Variants in DNAJC3 observed in about 807,000 individuals in gnomAD.
DNAJC3 encodes the protein dnaJ homolog subfamily C member 3.
A neutral mutation model predicts 68.6 loss-of-function variants in DNAJC3; 38 were observed. The ratio of observed to expected loss-of-function variants is 0.55; its 90% CI spans 0.43 to 0.73. The LOEUF (loss-of-function observed/expected upper bound fraction) is 0.73. Ranked by LOEUF, DNAJC3 falls within the 30% of genes least tolerant of loss-of-function variation. DNAJC3 has a pLI of 0.00. For missense variants in DNAJC3, 526 were observed against 591.9 expected, an observed-to-expected ratio of 0.89 and a Z score of 1.16; for synonymous variants, 203 against 204.0, an observed-to-expected ratio of 1.00 and a Z score of 0.04.
chr13:95,702,514 G>T (rs888021388), intron 1 of DNAJC3, among the ~76,000 whole-genome samples: 3 of 152,164 alleles, frequency 2.0e-5, no homozygotes, highest in African/African-American at 7.2e-5. Flanking sequence ...GTATTAAGAG[G>T]CAGGGCCTTA....
chr13:95,794,580 C>T lies in DNAJC3; in HGVS notation c.*3550C>T, dbSNP rs553792783. On this transcript the variant is annotated 3_prime_UTR_variant, in exon 12 of 12. Coordinates refer to ENST00000602402, the MANE Select transcript of DNAJC3 (RefSeq NM_006260.5). ...TTAGTGGCAGTTTATCCTGTAATTTCAAATGACGTTAAGAGGTGGGATTAT... is the reference window on the plus strand; with the variant it reads ...TTAGTGGCAGTTTATCCTGTAATTTTAAATGACGTTAAGAGGTGGGATTAT... 3 of 152,334 alleles carry T rather than the reference C, an allele frequency of 2.0e-5. No homozygotes were observed. The highest frequency in any genetic ancestry group is 4.4e-5 in the Non-Finnish European group (3 of 68,022). 9.4% of individuals were successfully genotyped at this position (152,334 alleles called of 1,614,324 possible).
chr13:95,687,898 C>T (rs1217267840), intron 1 of DNAJC3, among the ~76,000 whole-genome samples: 4 of 152,130 alleles, frequency 2.6e-5, no homozygotes, highest in Non-Finnish European at 5.9e-5. Flanking sequence ...TTGATTCTTC[C>T]AACCTGTGAG....
At chr13:95,703,634 A>G (rs1880639336) in intron 1 of DNAJC3, among the ~76,000 whole-genome samples, 4 of 152,240 alleles carry the variant, frequency 2.6e-5, no homozygotes, top group Admixed American at 2.6e-4. Flanking sequence ...CAAATTCACA[A>G]ATACAGAATC....
chr13:95,730,321 C>T (rs951201333), intron 4 of DNAJC3, among the ~76,000 whole-genome samples: 3 of 152,072 alleles, frequency 2.0e-5, no homozygotes, highest in Admixed American at 1.3e-4. Flanking sequence ...AATATAATAC[C>T]ATTTGTTTAT....
At chr13:95,790,802 C>CCAA in intron 11 of DNAJC3, 71 bp from the exon 12 acceptor site, 1 of 1,524,350 alleles carries the variant, frequency 6.6e-7, no homozygotes, top group East Asian at 2.4e-5. Flanking sequence ...CTCCTCTGCC[C>CCAA]AAAGAAAACA....
chr13:95,717,613 T>G (rs929472871), intron 2 of DNAJC3, among the ~76,000 whole-genome samples: 2 of 152,188 alleles, frequency 1.3e-5, no homozygotes, highest in African/African-American at 4.8e-5. Flanking sequence ...TCCCACATGT[T>G]GTTGGAGGGA....
At chr13:95,781,461 G>A (rs1184518397) in intron 9 of DNAJC3, among the ~76,000 whole-genome samples, 1 of 152,076 alleles carries the variant, frequency 6.6e-6, no homozygotes, top group African/African-American at 2.4e-5. Context: ...TTACTAATGT[G>A]CTCCTGCTTC....
At chr13:95,678,477 G>T (rs3843691) in intron 1 of DNAJC3, among the ~76,000 whole-genome samples, 5 of 151,954 alleles carry the variant, frequency 3.3e-5, no homozygotes, top group Non-Finnish European at 5.9e-5. Context: ...ATCAGAACAC[G>T]TAGTGTGGCA....
intron 1 of DNAJC3, among the ~76,000 whole-genome samples, chr13:95,690,974 C>T (rs1391747745): frequency 2.2e-5 from 3 of 138,614 alleles, no homozygotes; most frequent in Non-Finnish European, 3.1e-5. Context: ...GGGGCTGACA[C>T]CCCCACCTCC....
intron 1 of DNAJC3, among the ~76,000 whole-genome samples, chr13:95,681,300 C>T (rs186795921): frequency 9.7e-4 from 148 of 152,278 alleles, no homozygotes; most frequent in Non-Finnish European, 1.7e-3. Context: ...TAAACACGGA[C>T]GGAGGAAAAT....
chr13:95,687,709 A>G (rs2139600907), intron 1 of DNAJC3, among the ~76,000 whole-genome samples: 1 of 152,326 alleles, frequency 6.6e-6, no homozygotes, highest in South Asian at 2.1e-4. Context: ...GGGTAATGTG[A>G]TACCTCCAGC....
At chr13:95,763,478 T>C (rs967504012) in intron 7 of DNAJC3, among the ~76,000 whole-genome samples, 165 bp from the exon 8 acceptor site, 14 of 152,230 alleles carry the variant, frequency 9.2e-5, no homozygotes, top group Non-Finnish European at 1.5e-5. Flanking sequence ...TTATGGAGTG[T>C]ACCTTCTATG....
intron 4 of DNAJC3, among the ~76,000 whole-genome samples, chr13:95,728,670 T>G (rs1180559190): frequency 6.6e-6 from 1 of 152,242 alleles, no homozygotes; most frequent in East Asian, 1.9e-4. Context: ...GTCTAATTTT[T>G]AAATTAATAC....
At chr13:95,730,746 A>T (rs1457092503) in intron 4 of DNAJC3, among the ~76,000 whole-genome samples, 1 of 152,114 alleles carries the variant, frequency 6.6e-6, no homozygotes, top group Non-Finnish European at 1.5e-5. Flanking sequence ...AGGTAGCCTG[A>T]TGCCTCCTTA....
intron 1 of DNAJC3, among the ~76,000 whole-genome samples, chr13:95,689,261 C>T (rs1233614755): frequency 1.3e-5 from 2 of 149,092 alleles, no homozygotes; most frequent in Non-Finnish European, 3.0e-5. Context: ...TTTGTCAGGA[C>T]TAATTTGATT....
chr13:95,735,805 T>C (rs1881893864), intron 4 of DNAJC3, among the ~76,000 whole-genome samples: 1 of 152,212 alleles, frequency 6.6e-6, no homozygotes, highest in African/African-American at 2.4e-5. Flanking sequence ...TCTTTTGCTG[T>C]GCAGAAGCTC....
chr13:95,726,071 T>C (rs1239184840), intron 4 of DNAJC3, among the ~76,000 whole-genome samples: 2 of 151,988 alleles, frequency 1.3e-5, no homozygotes, highest in Non-Finnish European at 2.9e-5. Flanking sequence ...ATCCAGTCTA[T>C]CGTTGTTGGA....
intron 9 of DNAJC3, among the ~76,000 whole-genome samples, chr13:95,768,308 T>C (rs1157065656): frequency 1.3e-5 from 2 of 152,228 alleles, no homozygotes; most frequent in Non-Finnish European, 2.9e-5. Context: ...CAGCAACATC[T>C]AAATCCGTGG....
chr13:95,787,871 T>C (rs1441298454), intron 11 of DNAJC3, among the ~76,000 whole-genome samples: 1 of 152,106 alleles, frequency 6.6e-6, no homozygotes, highest in Non-Finnish European at 1.5e-5. Flanking sequence ...AGGCTAAGCA[T>C]TGAGGTAATA....
Sources: gnomAD v4.1 joint callset for allele counts (sites outside exome capture counted in the v4.1 genomes callset) on GRCh38, gnomAD v4.1.1 for gene constraint, MANE v1.5 for transcripts, NCBI Gene and HGNC (gene_info 2026-07-23, HGNC 2026-07-21) for gene names.